Variants in SLC38A4 observed in about 807,000 individuals in gnomAD.
The protein encoded by SLC38A4 is sodium-coupled neutral amino acid transporter 4.
SLC38A4 carries 20 observed loss-of-function variants against 63.1 expected under a neutral mutation model. The ratio of observed to expected loss-of-function variants is 0.32; its 90% CI spans 0.22 to 0.46. The LOEUF is 0.46. Among genes scored for constraint, SLC38A4 ranks in the 20% least tolerant of loss-of-function variants. The pLI is 1.00. For synonymous variants in SLC38A4, 230 were observed against 225.5 expected (o/e 1.02, Z -0.18); for missense variants, 526 against 663.6 (o/e 0.79, Z 2.28).
intron 2 of SLC38A4, among the ~76,000 whole-genome samples, chr12:46,794,265 C>T (rs1201230177): frequency 6.6e-6 from 1 of 152,094 alleles, no homozygotes; most frequent in Non-Finnish European, 1.5e-5. Flanking sequence ...GCAACTCACA[C>T]TTGAGAAAAG....
chr12:46,781,658 T>C (rs887619732), intron 7 of SLC38A4, among the ~76,000 whole-genome samples: 2 of 152,010 alleles, frequency 1.3e-5, no homozygotes, highest in African/African-American at 2.4e-5. Context: ...GTAACCAAAG[T>C]GAGAGCATTA....
intron 1 of SLC38A4, among the ~76,000 whole-genome samples, chr12:46,808,152 G>A (rs576864821): frequency 5.9e-5 from 9 of 151,916 alleles, no homozygotes; most frequent in Non-Finnish European, 7.4e-5. Context: ...TACATGATTA[G>A]GATCATTTGA....
At chr12:46,779,083 G>T (rs1284194044) in intron 10 of SLC38A4, among the ~76,000 whole-genome samples, 1 of 151,870 alleles carries the variant, frequency 6.6e-6, no homozygotes, top group Non-Finnish European at 1.5e-5. Context: ...GGTGACATGG[G>T]TCTTCAAAAC....
rs1938607572 is a variant in SLC38A4, at chr12:46,779,999, A to G, written c.525T>C (p.Tyr175=). ...AMSSYLFIIK[Y]ELPEVIRAFM... The stretch of plus-strand genomic sequence containing the variant: ...ATGCTCTGATTACTTCAGGTAGTTC[A>G]TATTTAATGATAAAGAGGTAGCTTG... Residue 175 remains tyrosine (Y), a synonymous_variant, in exon 8 of 17, where the codon TAT becomes TAC. Transcript: ENST00000266579. The G allele has an allele frequency of 2.5e-6, 4 of 1,612,288 alleles. No homozygotes were observed. Among genetic ancestry groups the G allele is most frequent in the Admixed American group, 1.7e-5 (1 of 59,862 alleles).
At chr12:46,822,629 G>A (rs1431971844) in intron 1 of SLC38A4, among the ~76,000 whole-genome samples, 1 of 152,148 alleles carries the variant, frequency 6.6e-6, no homozygotes, top group African/African-American at 2.4e-5. Context: ...ACGTGGAAAT[G>A]AACTGGAGAG....
In SLC38A4 at chr12:46,787,920, A is replaced by G. The variant is rs1415598149; in HGVS notation, c.322T>C (p.Phe108Leu). 6.2e-7 allele frequency: 1 copy of G among 1,610,764 alleles called. No individual in the cohort carries two copies. Among genetic ancestry groups the G allele is most frequent in the East Asian group, 2.2e-5 (1 of 44,804 alleles). The change falls in exon 5 of 17, where the codon TTT becomes CTT. Residue 108 changes from phenylalanine to leucine, a missense_variant. Coordinates refer to ENST00000266579, the MANE Select transcript of SLC38A4 (RefSeq NM_018018.5). The stretch of plus-strand genomic sequence containing the variant: ...TAGACATATACATTCACTTACATAA[A>G]AAGTATGATCCCTGTGTTGGCCATG... ...YAMANTGIIL[F>L]IIMLLAVAIL...
At chr12:46,815,240 GATATAT>G (rs56368111) in intron 1 of SLC38A4, among the ~76,000 whole-genome samples, 2,387 of 89,200 alleles carry the variant, frequency 0.027, 40 homozygotes, top group African/African-American at 0.047. Context: ...ATGGCTAAAG[GATATAT>G]ATATATATAT....
At position 46,813,581 on chromosome 12, in the gene SLC38A4, A is replaced by G. The variant is rs543837913; in HGVS notation, c.-304-9787T>C. 2.4e-4 allele frequency among the ~76,000 whole-genome samples: 36 copies of G among 152,128 alleles called. 1 individual carries two copies. Among genetic ancestry groups the G allele is most frequent in the African/African-American group, 8.4e-4 (35 of 41,560 alleles). On this transcript the variant is annotated intron_variant, in intron 1 of 16. Coordinates refer to ENST00000266579, the MANE Select transcript of SLC38A4 (RefSeq NM_018018.5). ...TCTTGCAAGCCTCACTGTTGAGCTTAAGGGTTGCACTGTAACATATTTGTT... is the reference window on the plus strand; with the variant it reads ...TCTTGCAAGCCTCACTGTTGAGCTTGAGGGTTGCACTGTAACATATTTGTT...
Position 46,808,521 on chromosome 12 carries a change from A to AT in SLC38A4, c.-304-4728dup, listed in dbSNP as rs781364751. ...TCAGCTGACAAAACAAGAAAATTAA[A>AT]TTAAAAAAAAAATCTGGTTAGACAA... On this transcript the variant is annotated intron_variant, in intron 1 of 16. Coordinates refer to ENST00000266579, the MANE Select transcript of SLC38A4 (RefSeq NM_018018.5). Among the ~76,000 whole-genome samples the AT allele has an allele frequency of 1.1e-3, 79 of 69,510 alleles. 1 individual carries two copies. The Middle Eastern group carries it at 0.043, about 37-fold the overall frequency. 45.6% of individuals were successfully genotyped at this position (69,510 alleles called of 152,430 possible).
chr12:46,830,021 C>A (rs1240917760), upstream of SLC38A4, among the ~76,000 whole-genome samples: 1 of 152,140 alleles, frequency 6.6e-6, no homozygotes, highest in Non-Finnish European at 1.5e-5. Flanking sequence ...GCCGGAATTA[C>A]CATTAATCTA....
chr12:46,766,890 A>T, intron 16 of SLC38A4, 88 bp from the exon 17 acceptor site: 1 of 828,446 alleles, frequency 1.2e-6, no homozygotes, highest in South Asian at 1.6e-5. Flanking sequence ...TGGCAATCTG[A>T]TCTATATATT....
chr12:46,769,818 A>C (rs1938378230), intron 14 of SLC38A4, among the ~76,000 whole-genome samples: 1 of 152,118 alleles, frequency 6.6e-6, no homozygotes, highest in South Asian at 2.1e-4. Context: ...GTAGCCTAGG[A>C]GTACTAGGCT....
At chr12:46,827,017 T>A (rs1939666920), upstream of SLC38A4, among the ~76,000 whole-genome samples, 1 of 152,152 alleles carries the variant, frequency 6.6e-6, no homozygotes, top group African/African-American at 2.4e-5. Flanking sequence ...GTGTTAGGCA[T>A]CAGGGTGACA....
intron 1 of SLC38A4, among the ~76,000 whole-genome samples, chr12:46,815,324 G>T (rs1361214301): frequency 2.1e-5 from 3 of 142,942 alleles, no homozygotes; most frequent in Non-Finnish European, 4.6e-5. Flanking sequence ...TTGAGAATAT[G>T]AATCATATTG....
At chr12:46,804,495 T>C (rs1324006946) in intron 1 of SLC38A4, among the ~76,000 whole-genome samples, 1 of 151,960 alleles carries the variant, frequency 6.6e-6, no homozygotes, top group Non-Finnish European at 1.5e-5. Flanking sequence ...GAATTGAGGG[T>C]TCTTTGCCTT....
Position 46,766,479 on chromosome 12 carries a change from G to A in SLC38A4, c.*222C>T, listed in dbSNP as rs1218233928. ...ACACTGCTCTAGCAAAACCTGGGTA[G>A]AAATGTGCACCACAGGTTTTATTTT... is the stretch of plus-strand genomic sequence containing the variant. On this transcript the variant is annotated 3_prime_UTR_variant, in exon 17 of 17. Coordinates refer to ENST00000266579, the MANE Select transcript of SLC38A4 (RefSeq NM_018018.5). 2 of 636,880 alleles carry A rather than the reference G, an allele frequency of 3.1e-6. No homozygotes were observed. Among genetic ancestry groups the A allele is most frequent in the East Asian group, 6.3e-5 (2 of 31,724 alleles). 39.5% of individuals were successfully genotyped at this position (636,880 alleles called of 1,614,324 possible). A position where few individuals can be genotyped will look rare whatever the true frequency, so the allele number is the denominator to read the frequency against.
At chr12:46,793,313 G>A in intron 2 of SLC38A4, 130 bp from the exon 3 acceptor site, 1 of 312,840 alleles carries the variant, frequency 3.2e-6, no homozygotes, top group South Asian at 6.7e-5. Context: ...CTTTACATAA[G>A]AAAATCCTGA....
intron 7 of SLC38A4, among the ~76,000 whole-genome samples, chr12:46,784,318 G>A (rs1592181154): frequency 6.6e-6 from 1 of 152,084 alleles, no homozygotes; most frequent in South Asian, 2.1e-4. Context: ...TTTAATTCTA[G>A]AATTCAATTG....
intron 14 of SLC38A4, among the ~76,000 whole-genome samples, chr12:46,770,154 C>A (rs1254475092): frequency 6.6e-6 from 1 of 151,926 alleles, no homozygotes; most frequent in Admixed American, 6.6e-5. Flanking sequence ...CATAGTAAAA[C>A]CCTTGTTGAT....
Sources: allele counts gnomAD v4.1 joint callset (sites outside exome capture counted in the v4.1 genomes callset), GRCh38; gene constraint gnomAD v4.1.1; transcripts MANE v1.5; gene names NCBI Gene and HGNC (gene_info 2026-07-23, HGNC 2026-07-21).